The following EPHB2 variants were observed in gnomAD, a reference collection of about 807,000 sequenced individuals.
EPHB2 encodes the protein ephrin type-B receptor 2.
In EPHB2, 18 loss-of-function variants were observed where a neutral mutation model predicts 96.4. The observed-to-expected ratio is 0.19, with a 90% CI of 0.13 to 0.28. The LOEUF (loss-of-function observed/expected upper bound fraction) is 0.28. Among genes scored for constraint, EPHB2 ranks in the 10% least tolerant of loss-of-function variants. The pLI, the probability that EPHB2 is intolerant of heterozygous loss-of-function variation, is 1.00. For missense variants in EPHB2, 989 were observed against 1,355.4 expected (o/e 0.73, Z 4.25); for synonymous variants, 506 against 534.1 (o/e 0.95, Z 0.72).
At chr1:22,803,799 A>G (rs528005413) in intron 3 of EPHB2, among the ~76,000 whole-genome samples, 24 of 151,504 alleles carry the variant, frequency 1.6e-4, no homozygotes, top group Non-Finnish European at 2.9e-4. Flanking sequence ...TTGTGGTTCC[A>G]GCTACTAGGG....
At chr1:22,908,992 C>G (rs769147869) in intron 12 of EPHB2, 30 bp from the exon 13 acceptor site, 1 of 1,613,976 alleles carries the variant, frequency 6.2e-7, no homozygotes, top group Admixed American at 1.7e-5. Flanking sequence ...CAGCCTCCCA[C>G]CCACAAACCC....
intron 3 of EPHB2, among the ~76,000 whole-genome samples, chr1:22,838,473 G>A (rs962862116): frequency 1.3e-5 from 2 of 152,346 alleles, no homozygotes; most frequent in East Asian, 1.9e-4. Flanking sequence ...CTCCGCTTAC[G>A]TTAAAATGGA....
At chr1:22,770,542 C>G (rs1644367484) in intron 1 of EPHB2, among the ~76,000 whole-genome samples, 1 of 152,182 alleles carries the variant, frequency 6.6e-6, no homozygotes, top group Non-Finnish European at 1.5e-5. Context: ...AATTTACACT[C>G]CATTCACATG....
At chr1:22,881,312 C>T (rs172635) in intron 5 of EPHB2, among the ~76,000 whole-genome samples, 14,215 of 152,002 alleles carry the variant, frequency 0.094, 2,179 homozygotes, top group African/African-American at 0.32. Context: ...GTAGGAGAAT[C>T]GCTTGAACCC....
At chr1:22,773,028 A>G (rs1229122886) in intron 1 of EPHB2, among the ~76,000 whole-genome samples, 2 of 152,126 alleles carry the variant, frequency 1.3e-5, no homozygotes, top group East Asian at 3.9e-4. Context: ...TAAATGAGAC[A>G]ATATCGATGA....
Position 22,913,834 on chromosome 1 carries a change from T to C in EPHB2, c.*264T>C, listed in dbSNP as rs530988157. On this transcript the variant is annotated 3_prime_UTR_variant, in exon 16 of 16. Transcript: ENST00000374630. The surrounding 1 kb of genome is among the most constrained non-coding windows in gnomAD (Gnocchi z 4.1). ...AAGGAATATTTTTTAAAGAGGATTCTCATAAGGAAAGCAATGACTGTTCTT... is the reference window on the plus strand; with the variant it reads ...AAGGAATATTTTTTAAAGAGGATTCCCATAAGGAAAGCAATGACTGTTCTT... 205 of 1,610,368 alleles carry C rather than the reference T, an allele frequency of 1.3e-4. No homozygotes were observed. The East Asian group carries it at 4.5e-3, about 36-fold the overall frequency.
At chr1:22,839,667 G>A (rs983197446) in intron 3 of EPHB2, among the ~76,000 whole-genome samples, 2 of 152,170 alleles carry the variant, frequency 1.3e-5, no homozygotes, top group Admixed American at 6.5e-5. Flanking sequence ...TGGCAAACAT[G>A]GGGTCCTGGA....
intron 9 of EPHB2, among the ~76,000 whole-genome samples, chr1:22,901,820 A>AGAGT (rs138572549): frequency 6.7e-6 from 1 of 148,458 alleles, no homozygotes. Context: ...TGTGTGTGTG[A>AGAGT]GTGTGTGTGT....
chr1:22,837,749 G>A (rs1227743774), intron 3 of EPHB2, among the ~76,000 whole-genome samples: 1 of 152,112 alleles, frequency 6.6e-6, no homozygotes, highest in South Asian at 2.1e-4. Context: ...GCAACAGACC[G>A]GCAGCCTGAG....
At chr1:22,785,627 T>C (rs1644600218) in intron 3 of EPHB2, among the ~76,000 whole-genome samples, 1 of 152,238 alleles carries the variant, frequency 6.6e-6, no homozygotes, top group Admixed American at 6.5e-5. Flanking sequence ...TGTTGCCATC[T>C]GCAGGGCAGA....
In EPHB2 at chr1:22,916,908, G is replaced by A. The variant is rs541468940; in HGVS notation, c.*3338G>A. 2 of 152,428 alleles carry A rather than the reference G, an allele frequency of 1.3e-5. No individual in the cohort carries two copies. The highest frequency in any genetic ancestry group is 4.1e-4 in the South Asian group (2 of 4,826). 9.4% of individuals were successfully genotyped at this position (152,428 alleles called of 1,614,324 possible). A position where few individuals can be genotyped will look rare whatever the true frequency, so the allele number is the denominator to read the frequency against. On this transcript the variant is annotated 3_prime_UTR_variant, in exon 16 of 16. Transcript: ENST00000374630. This position sits in a 1 kb window ranked among gnomAD's most constrained non-coding sequence, Gnocchi z 4.2. ...CACCCCTACTGCTACGAAGCCCCCA[G>A]AATGGGTCATTGTTGGTGCTCAGCA...
intron 3 of EPHB2, among the ~76,000 whole-genome samples, chr1:22,832,572 C>T (rs942867930): frequency 4.6e-5 from 7 of 152,110 alleles, no homozygotes; most frequent in African/African-American, 1.7e-4. Flanking sequence ...GCCATCCCAG[C>T]CAGGCTACGC....
chr1:22,721,523 A>T (rs912479603), intron 1 of EPHB2, among the ~76,000 whole-genome samples: 2 of 152,194 alleles, frequency 1.3e-5, no homozygotes, highest in African/African-American at 4.8e-5. Context: ...TGTCCAGTCT[A>T]AAAAAGGCAG....
intron 1 of EPHB2, among the ~76,000 whole-genome samples, chr1:22,722,751 T>C (rs564338193): frequency 6.6e-6 from 1 of 152,370 alleles, no homozygotes; most frequent in South Asian, 2.1e-4. Context: ...CATGCTACGT[T>C]GGACCTCTGG....
intron 1 of EPHB2, among the ~76,000 whole-genome samples, chr1:22,769,166 G>A (rs1644345945): frequency 6.6e-6 from 1 of 152,174 alleles, no homozygotes; most frequent in South Asian, 2.1e-4. Context: ...CAGATTCACA[G>A]GCCAGATGGG....
At chr1:22,811,370 C>A (rs1269769729) in intron 3 of EPHB2, among the ~76,000 whole-genome samples, 3 of 152,182 alleles carry the variant, frequency 2.0e-5, no homozygotes, top group Non-Finnish European at 2.9e-5. Context: ...AGCAAGACAG[C>A]GCCCACTCCA....
At chr1:22,805,354 A>G (rs1033546840) in intron 3 of EPHB2, among the ~76,000 whole-genome samples, 1 of 152,170 alleles carries the variant, frequency 6.6e-6, no homozygotes, top group Non-Finnish European at 1.5e-5. Flanking sequence ...GAATAAATTA[A>G]ACGAGGGGCT....
intron 2 of EPHB2, among the ~76,000 whole-genome samples, chr1:22,782,478 G>T (rs1349792261): frequency 7.6e-6 from 1 of 131,104 alleles, no homozygotes; most frequent in African/African-American, 3.0e-5. Context: ...CCCCAGGCCT[G>T]TGCTCTCAAT....
At chr1:22,877,979 A>C (rs1638899579) in intron 5 of EPHB2, among the ~76,000 whole-genome samples, 1 of 152,230 alleles carries the variant, frequency 6.6e-6, no homozygotes, top group Non-Finnish European at 1.5e-5. Flanking sequence ...ATGCCCATTC[A>C]AGTTTTAAAA....
Sources: gnomAD v4.1 joint callset for allele counts (sites outside exome capture counted in the v4.1 genomes callset) on GRCh38, gnomAD v4.1.1 for gene constraint, Gnocchi (gnomAD v3.1) non-coding constraint, MANE v1.5 for transcripts, NCBI Gene and HGNC (gene_info 2026-07-23, HGNC 2026-07-21) for gene names.